Variants in CTNNAL1 observed in about 807,000 individuals in gnomAD.
CTNNAL1 encodes the protein catenin alpha like 1.
In CTNNAL1, 69 loss-of-function variants were observed where a neutral mutation model predicts 93.6. The ratio of observed to expected loss-of-function variants is 0.74; its 90% confidence interval spans 0.61 to 0.90. CTNNAL1 has a LOEUF of 0.90. CTNNAL1 is among the 40% of genes least tolerant of loss of function. The pLI, the probability that CTNNAL1 is intolerant of heterozygous loss-of-function variation, is 0.00. For missense variants in CTNNAL1, 836 were observed against 862.0 expected (o/e 0.97, Z 0.38); for synonymous variants, 286 against 305.4 (o/e 0.94, Z 0.66).
intron 12 of CTNNAL1, among the ~76,000 whole-genome samples, chr9:108,955,277 T>G (rs144426370): frequency 1.6e-3 from 251 of 152,270 alleles, no homozygotes; most frequent in South Asian, 3.1e-3. Context: ...TAAGACACCG[T>G]GCCCAGCCCA....
intron 15 of CTNNAL1, among the ~76,000 whole-genome samples, chr9:108,944,595 T>G (rs1380531756): frequency 6.6e-6 from 1 of 151,798 alleles, no homozygotes; most frequent in African/African-American, 2.4e-5. Flanking sequence ...AGAAGTAGAG[T>G]GAAAAAGAAG....
intron 4 of CTNNAL1, 102 bp from the exon 5 acceptor site, chr9:108,984,538 A>G: frequency 2.0e-6 from 1 of 504,080 alleles, no homozygotes; most frequent in East Asian, 3.4e-5. Context: ...ATTCACTAAC[A>G]TTGTTAAGTG....
chr9:108,948,807 G>A (rs1830476966), intron 14 of CTNNAL1, among the ~76,000 whole-genome samples: 1 of 152,008 alleles, frequency 6.6e-6, no homozygotes, highest in Non-Finnish European at 1.5e-5. Context: ...AAAATGAAAA[G>A]TAAATTACAA....
chr9:108,985,548 T>C (rs573690551), intron 4 of CTNNAL1, among the ~76,000 whole-genome samples: 1 of 152,304 alleles, frequency 6.6e-6, no homozygotes, highest in East Asian at 1.9e-4. Flanking sequence ...TGCATCCCAA[T>C]ATAGATTTAA....
chr9:108,997,062 G>A (rs1400540387), intron 2 of CTNNAL1, among the ~76,000 whole-genome samples: 5 of 151,964 alleles, frequency 3.3e-5, no homozygotes, highest in Admixed American at 3.3e-4. Flanking sequence ...GTCTTTTATT[G>A]TAAGTGCTTT....
At chr9:108,958,458 C>T (rs1830740483) in intron 11 of CTNNAL1, among the ~76,000 whole-genome samples, 2 of 152,216 alleles carry the variant, frequency 1.3e-5, no homozygotes, top group African/African-American at 4.8e-5. Context: ...GGTCCTCTTA[C>T]AGATACTTTG....
At chr9:108,989,320 G>A (rs1447994649) in intron 4 of CTNNAL1, among the ~76,000 whole-genome samples, 1 of 151,988 alleles carries the variant, frequency 6.6e-6, no homozygotes, top group Non-Finnish European at 1.5e-5. Flanking sequence ...AAAATACTCA[G>A]GCTAATAATT....
At chr9:109,012,875 G>A (rs1441385548) in intron 1 of CTNNAL1, among the ~76,000 whole-genome samples, 1 of 152,204 alleles carries the variant, frequency 6.6e-6, no homozygotes, top group Non-Finnish European at 1.5e-5. Context: ...CTGCGAACTG[G>A]TGACAAAGTC....
chr9:108,943,094 A>T (rs753365421), intron 17 of CTNNAL1, 50 bp from the exon 18 acceptor site: 6 of 1,469,298 alleles, frequency 4.1e-6, no homozygotes, highest in Non-Finnish European at 5.6e-6. Flanking sequence ...AGTACTTAAA[A>T]GACCTTACCA....
At chr9:108,995,610 A>AG (rs767882956) in intron 2 of CTNNAL1, among the ~76,000 whole-genome samples, 7 of 152,356 alleles carry the variant, frequency 4.6e-5, no homozygotes, top group Non-Finnish European at 1.0e-4. Context: ...GCTGTGCCTT[A>AG]ATAGGAAAAC....
intron 3 of CTNNAL1, among the ~76,000 whole-genome samples, 157 bp from the exon 4 acceptor site, chr9:108,991,002 A>G (rs1831779125): frequency 6.6e-6 from 1 of 152,228 alleles, no homozygotes; most frequent in Non-Finnish European, 1.5e-5. Context: ...TGCTCAGAGA[A>G]GTAGAAGTAG....
At chr9:109,006,504 G>A (rs1827031385) in intron 1 of CTNNAL1, among the ~76,000 whole-genome samples, 1 of 152,186 alleles carries the variant, frequency 6.6e-6, no homozygotes, top group Admixed American at 6.5e-5. Flanking sequence ...TCAAGGAAAA[G>A]ACAACTAGCA....
rs115017913 is a variant in CTNNAL1, at chr9:109,008,534, C to G, written c.141+4768G>C. Among the ~76,000 whole-genome samples the G allele has an allele frequency of 5.5e-3, 839 of 152,276 alleles. 12 individuals are homozygous for G. The highest frequency in any genetic ancestry group is 0.019 in the African/African-American group (803 of 41,566). ...TTGCTGGGCCACAGGTAATGCCCAC[C>G]TTCAATTATAATAGATTACAACAAA... is the stretch of plus-strand genomic sequence containing the variant. On this transcript the variant is annotated intron_variant, in intron 1 of 18. Transcript: ENST00000325551.
intron 8 of CTNNAL1, 31 bp from the exon 9 acceptor site, chr9:108,972,864 G>GGGGGGGGGCCCCC: frequency 2.2e-4 from 32 of 142,392 alleles, no homozygotes; most frequent in Non-Finnish European, 3.0e-4. Context: ...GGGGGGGTGG[G>GGGGGGGGGCCCCC]AGGGTGGAGA....
At chr9:108,995,710 A>G (rs1024090161) in intron 2 of CTNNAL1, among the ~76,000 whole-genome samples, 8 of 152,318 alleles carry the variant, frequency 5.3e-5, no homozygotes, top group African/African-American at 1.7e-4. Flanking sequence ...AAGCAACAAT[A>G]CAATGTAAGA....
chr9:108,979,279 A>G lies in CTNNAL1; in HGVS notation c.1101+2T>C. 1 of 1,613,870 alleles carries G rather than the reference A, an allele frequency of 6.2e-7. No homozygotes were observed. Among genetic ancestry groups the G allele is most frequent in the Non-Finnish European group, 8.5e-7 (1 of 1,179,956 alleles). On this transcript the variant is annotated splice_donor_variant, in intron 7 of 18. Coordinates refer to ENST00000325551, the MANE Select transcript of CTNNAL1 (RefSeq NM_003798.4). LOFTEE classifies it high-confidence loss of function. ...TACTTTGATTTTAAAAAAAGTTCTT[A>G]CAGCTTGAATCCACACAGAAATTAA...
intron 8 of CTNNAL1, among the ~76,000 whole-genome samples, chr9:108,973,847 T>C (rs893697480): frequency 6.6e-6 from 1 of 152,188 alleles, no homozygotes; most frequent in Admixed American, 6.5e-5. Flanking sequence ...AATTAGAGGA[T>C]TGTCTCCAAA....
In CTNNAL1 at chr9:108,992,532, C is replaced by T. The variant is rs369478613; in HGVS notation, c.519+100G>A. 17 of 1,393,322 alleles carry T rather than the reference C, an allele frequency of 1.2e-5. No individual in the cohort carries two copies. In the African/African-American group the frequency reaches 2.3e-4, roughly 19 times the overall value. 86.3% of individuals were successfully genotyped at this position (1,393,322 alleles called of 1,614,324 possible). Reference sequence around the variant, plus strand: ...AATTCCCACAGCTAGCTGCATTCTTCATCGACACACAAGCCAAGCAATCCA... The same window carrying T: ...AATTCCCACAGCTAGCTGCATTCTTTATCGACACACAAGCCAAGCAATCCA... On this transcript the variant is annotated intron_variant, in intron 3 of 18. Transcript: ENST00000325551.
rs923269487 is a variant in CTNNAL1, at chr9:108,985,973, C to T, written c.640-1537G>A. ...ACTAAGCGAAGCATCCCAATACCTC[C>T]AGAAGTATTTTCCCAGACTTGGGTA... On this transcript the variant is annotated intron_variant, in intron 4 of 18. Transcript: ENST00000325551. Among the ~76,000 whole-genome samples, 8 of 152,080 alleles carry T rather than the reference C, an allele frequency of 5.3e-5. No homozygotes were observed. In the South Asian group the frequency reaches 6.2e-4, roughly 12 times the overall value.
Sources: allele counts gnomAD v4.1 joint callset (sites outside exome capture counted in the v4.1 genomes callset), GRCh38; gene constraint gnomAD v4.1.1; transcripts MANE v1.5; gene names NCBI Gene and HGNC (gene_info 2026-07-23, HGNC 2026-07-21).